Variants in SDK1 observed in about 807,000 individuals in gnomAD.
SDK1 encodes the protein sidekick cell adhesion molecule 1, also known as protein sidekick-1.
In SDK1, 157 loss-of-function variants were observed where a neutral mutation model predicts 245.5. That is an observed-to-expected ratio of 0.64 (90% confidence interval 0.56 to 0.73). The LOEUF is 0.73. SDK1 is among the 30% of genes least tolerant of loss of function. The pLI is 0.00. For missense variants in SDK1, 3,583 were observed against 3,002.3 expected (o/e 1.19, Z -4.52); for synonymous variants, 1,647 against 1,278.5 (o/e 1.29, Z -6.15).
In SDK1 at chr7:4,233,248, C is replaced by A. The variant is rs375715373; in HGVS notation, c.5828-7C>A. ...CCTCTGCTCTCGCCTCCCCATCCCT[C>A]TTGCAGATGAAGGCTTATGGGACAT... On this transcript the variant is annotated splice_region_variant and splice_polypyrimidine_tract_variant and intron_variant, in intron 40 of 44. Coordinates refer to ENST00000404826, the MANE Select transcript of SDK1 (RefSeq NM_152744.4). 6.2e-7 allele frequency: 1 copy of A among 1,610,896 alleles called. No homozygotes were observed. The highest frequency in any genetic ancestry group is 1.1e-5 in the South Asian group (1 of 91,028).
chr7:3,417,318 T>C (rs202035477), intron 1 of SDK1, among the ~76,000 whole-genome samples: 2 of 152,200 alleles, frequency 1.3e-5, no homozygotes, highest in Non-Finnish European at 2.9e-5. Context: ...CCTGCCCACC[T>C]CTCCAGCCAG....
chr7:3,412,474 C>G (rs1242034700), intron 1 of SDK1, among the ~76,000 whole-genome samples: 2 of 152,214 alleles, frequency 1.3e-5, no homozygotes, highest in Admixed American at 6.5e-5. Context: ...TTAAATGGCA[C>G]TGCAAAATGT....
intron 5 of SDK1, among the ~76,000 whole-genome samples, chr7:3,903,169 G>A (rs1266983298): frequency 1.4e-5 from 2 of 145,902 alleles, no homozygotes; most frequent in African/African-American, 2.6e-5. Context: ...TTTTGAGACA[G>A]ACGAGACTCC....
chr7:4,008,318 C>T (rs6970375), intron 14 of SDK1, among the ~76,000 whole-genome samples: 4 of 152,250 alleles, frequency 2.6e-5, no homozygotes, highest in East Asian at 1.9e-4. Context: ...TTAGGAATAA[C>T]GCTCAAAATC....
chr7:4,231,483 G>A (rs1383205277), intron 40 of SDK1, among the ~76,000 whole-genome samples: 1 of 151,942 alleles, frequency 6.6e-6, no homozygotes, highest in African/African-American at 2.4e-5. Context: ...TGAGGCAGGA[G>A]GATAACTTGA....
At chr7:3,369,389 G>A (rs753734265) in intron 1 of SDK1, among the ~76,000 whole-genome samples, 1 of 152,148 alleles carries the variant, frequency 6.6e-6, no homozygotes, top group Non-Finnish European at 1.5e-5. Context: ...GGTACTGTCT[G>A]TGGTCACTTT....
At chr7:3,799,140 A>G (rs1016974812) in intron 4 of SDK1, among the ~76,000 whole-genome samples, 1 of 152,176 alleles carries the variant, frequency 6.6e-6, no homozygotes, top group Non-Finnish European at 1.5e-5. Flanking sequence ...TCCTCTTTAA[A>G]AAATCTTGGG....
At chr7:4,212,140 C>T (rs963932854) in intron 38 of SDK1, among the ~76,000 whole-genome samples, 4 of 152,142 alleles carry the variant, frequency 2.6e-5, no homozygotes, top group Admixed American at 6.5e-5. Flanking sequence ...AAAAATACAA[C>T]GAGCACATCA....
rs140833691 is a variant in SDK1, at chr7:3,991,082, G to A, written c.2131+3760G>A. On this transcript the variant is annotated intron_variant, in intron 14 of 44. Transcript: ENST00000404826. ...TCAGAGGCATCGATGCAGCCTCCAC[G>A]TCGCACGTTCCCGGCTAGGTACGTA... Among the ~76,000 whole-genome samples, 120 of 152,346 alleles carry A rather than the reference G, an allele frequency of 7.9e-4. No individual in the cohort carries two copies. The Middle Eastern group carries it at 0.01, about 13-fold the overall frequency.
chr7:3,978,312 A>G (rs1024871063), intron 13 of SDK1, among the ~76,000 whole-genome samples: 6 of 152,202 alleles, frequency 3.9e-5, no homozygotes, highest in Non-Finnish European at 5.9e-5. Flanking sequence ...TTTATGGTCT[A>G]CTGATTTACA....
intron 1 of SDK1, among the ~76,000 whole-genome samples, chr7:3,388,344 A>G (rs1213965776): frequency 6.7e-6 from 1 of 149,686 alleles, no homozygotes; most frequent in Non-Finnish European, 1.5e-5. Flanking sequence ...GTGATTGAAG[A>G]TTAAAAAAAA....
intron 4 of SDK1, among the ~76,000 whole-genome samples, chr7:3,797,048 G>A (rs1460841147): frequency 6.8e-6 from 1 of 147,780 alleles, no homozygotes; most frequent in African/African-American, 2.5e-5. Context: ...TCTGTGTCCT[G>A]GGCTCTGGAG....
intron 1 of SDK1, among the ~76,000 whole-genome samples, chr7:3,582,774 G>C (rs1238827917): frequency 6.7e-6 from 1 of 149,366 alleles, no homozygotes; most frequent in African/African-American, 2.5e-5. Flanking sequence ...TGCAAATAAA[G>C]GAAATAGAGT....
intron 1 of SDK1, among the ~76,000 whole-genome samples, chr7:3,591,481 C>T (rs915092860): frequency 5.3e-5 from 8 of 152,316 alleles, no homozygotes; most frequent in South Asian, 4.1e-4. Context: ...GCTTTGGCCA[C>T]GTTGTGAAAG....
rs186357074 is a variant in SDK1, at chr7:3,886,521, A to G, written c.848-64402A>G. On this transcript the variant is annotated intron_variant, in intron 5 of 44. Coordinates refer to ENST00000404826, the MANE Select transcript of SDK1 (RefSeq NM_152744.4). ...CTTTACTCTCTGAAAAATTCTGACA[A>G]TACAAATATTTAACTTTCAGTTGAG... Among the ~76,000 whole-genome samples, 602 of 152,348 alleles carry G rather than the reference A, an allele frequency of 4.0e-3. 5 individuals carry two copies. The highest frequency in any genetic ancestry group is 0.037 in the South Asian group (177 of 4,826).
At chr7:3,644,570 C>T (rs1031907447) in intron 4 of SDK1, among the ~76,000 whole-genome samples, 17 of 150,980 alleles carry the variant, frequency 1.1e-4, no homozygotes, top group Admixed American at 3.3e-4. Flanking sequence ...TTAAAAACAG[C>T]CTGGGCAACA....
intron 1 of SDK1, among the ~76,000 whole-genome samples, chr7:3,309,987 G>A (rs1481578006): frequency 2.0e-5 from 3 of 152,148 alleles, no homozygotes; most frequent in Non-Finnish European, 2.9e-5. Context: ...GGGTATCACA[G>A]TATAATTAGG....
rs569252592 is a variant in SDK1, at chr7:3,492,951, T to G, written c.299-126129T>G. ...TCAAAGAGAAGATTTATTTTATTTT[T>G]TTATTTTTCTATTTTTTGAGACGGA... is the stretch of plus-strand genomic sequence containing the variant. On this transcript the variant is annotated intron_variant, in intron 1 of 44. Transcript: ENST00000404826. Among the ~76,000 whole-genome samples the G allele has an allele frequency of 6.6e-5, 10 of 152,330 alleles. No homozygotes were observed. The East Asian group carries it at 1.9e-3, about 29-fold the overall frequency.
intron 17 of SDK1, among the ~76,000 whole-genome samples, chr7:4,047,015 T>C (rs1440414182): frequency 6.6e-6 from 1 of 152,186 alleles, no homozygotes; most frequent in East Asian, 1.9e-4. Context: ...TTTCCTTCAT[T>C]CGTGTTTTGT....
Sources: gnomAD v4.1 joint callset for allele counts (sites outside exome capture counted in the v4.1 genomes callset) on GRCh38, gnomAD v4.1.1 for gene constraint, MANE v1.5 for transcripts, NCBI Gene and HGNC (gene_info 2026-07-23, HGNC 2026-07-21) for gene names.